Variants in XPNPEP3 observed in about 807,000 individuals in gnomAD.
XPNPEP3 encodes X-prolyl aminopeptidase 3.
A neutral mutation model predicts 60.0 loss-of-function variants in XPNPEP3; 41 were observed. The observed-to-expected ratio is 0.68, with a 90% CI of 0.53 to 0.89. The LOEUF is 0.89. XPNPEP3 is among the 40% of genes least tolerant of loss of function. The pLI is 0.00. For missense variants in XPNPEP3, 598 were observed against 638.9 expected (o/e 0.94, Z 0.69); for synonymous variants, 212 against 223.2 (o/e 0.95, Z 0.45).
intron 8 of XPNPEP3, among the ~76,000 whole-genome samples, chr22:40,922,721 TACACACACAC>T (rs761542482): frequency 1.4e-5 from 2 of 145,280 alleles, no homozygotes; most frequent in Non-Finnish European, 3.0e-5. Context: ...TGTAGATATA[TACACACACAC>T]ACACACACAC....
intron 3 of XPNPEP3, among the ~76,000 whole-genome samples, chr22:40,882,850 A>T (rs2058053804): frequency 6.6e-6 from 1 of 152,194 alleles, no homozygotes; most frequent in Admixed American, 6.5e-5. Context: ...ATTAAAAAAA[A>T]ACTCCATGTT....
intron 4 of XPNPEP3, among the ~76,000 whole-genome samples, chr22:40,902,004 T>A (rs2058135296): frequency 6.6e-6 from 1 of 152,166 alleles, no homozygotes; most frequent in Non-Finnish European, 1.5e-5. Context: ...TTATATGATG[T>A]GAATTTTATC....
intron 4 of XPNPEP3, among the ~76,000 whole-genome samples, chr22:40,893,168 T>TA: frequency 6.8e-6 from 1 of 146,450 alleles, no homozygotes; most frequent in South Asian, 2.1e-4. Flanking sequence ...TATTATATCA[T>TA]AATATAATTA....
Position 40,926,534 on chromosome 22 carries a change from A to T in XPNPEP3, c.*99A>T. The T allele has an allele frequency of 7.2e-7, 1 of 1,391,454 alleles. No homozygotes were observed. Among genetic ancestry groups the T allele is most frequent in the Non-Finnish European group, 1.0e-6 (1 of 981,898 alleles). 86.2% of individuals were successfully genotyped at this position (1,391,454 alleles called of 1,614,324 possible). A position where few individuals can be genotyped will look rare whatever the true frequency, so the allele number is the denominator to read the frequency against. ...AGTGTCTCTGTGTGTGCATTAATAT[A>T]TGCATTCCATTTGGGAGCATAGCAG... On this transcript the variant is annotated 3_prime_UTR_variant, in exon 10 of 10. Coordinates refer to ENST00000357137, the MANE Select transcript of XPNPEP3 (RefSeq NM_022098.4).
intron 2 of XPNPEP3, among the ~76,000 whole-genome samples, chr22:40,880,672 T>C (rs2058043902): frequency 6.6e-6 from 1 of 151,704 alleles, no homozygotes. Flanking sequence ...CTTTTTAAAA[T>C]TAAGAGGGGG....
At chr22:40,879,144 A>C (rs535217879) in intron 2 of XPNPEP3, among the ~76,000 whole-genome samples, 7 of 152,188 alleles carry the variant, frequency 4.6e-5, no homozygotes, top group Non-Finnish European at 2.9e-5. Flanking sequence ...TATTCTGCCT[A>C]AGAAACCTAG....
chr22:40,879,734 C>T (rs143826945), intron 2 of XPNPEP3, among the ~76,000 whole-genome samples: 16 of 152,220 alleles, frequency 1.1e-4, no homozygotes, highest in Non-Finnish European at 1.8e-4. Context: ...ACTAGCTATT[C>T]AAGAGGCTAA....
Position 40,907,614 on chromosome 22 carries a change from A to G in XPNPEP3, c.820A>G (p.Lys274Glu). 1.2e-6 allele frequency: 2 copies of G among 1,614,058 alleles called. No individual in the cohort carries two copies. The highest frequency in any genetic ancestry group is 1.7e-6 in the Non-Finnish European group (2 of 1,179,972). ...QAFIETMFTS[K>E]APVEEAFLYA... ...TTTCATAGAAACCATGTTCACCAGTAAAGCCCCTGTGGAAGAAGCCTTTCT... is the reference window on the plus strand; with the variant it reads ...TTTCATAGAAACCATGTTCACCAGTGAAGCCCCTGTGGAAGAAGCCTTTCT... The change falls in exon 5 of 10, where the codon AAA (lysine) becomes GAA (glutamate). Residue 274 changes from lysine (K) to glutamate (E), a missense_variant. Transcript: ENST00000357137.
intron 6 of XPNPEP3, among the ~76,000 whole-genome samples, chr22:40,911,312 C>A (rs2058176315): frequency 6.6e-6 from 1 of 151,932 alleles, no homozygotes; most frequent in African/African-American, 2.4e-5. Context: ...TGAGTTTGGT[C>A]TATATAATTT....
At chr22:40,904,748 CCTTT>C (rs1306562077) in intron 4 of XPNPEP3, among the ~76,000 whole-genome samples, 1 of 152,040 alleles carries the variant, frequency 6.6e-6, no homozygotes, top group Non-Finnish European at 1.5e-5. Flanking sequence ...GTGCAAGTGT[CCTTT>C]AATTGATTTT....
At chr22:40,874,077 G>A (rs1167369857) in intron 2 of XPNPEP3, among the ~76,000 whole-genome samples, 1 of 152,058 alleles carries the variant, frequency 6.6e-6, no homozygotes, top group African/African-American at 2.4e-5. Context: ...GCTTATTTTG[G>A]TGGTGGTAAG....
At chr22:40,884,253 A>G (rs185350419) in intron 3 of XPNPEP3, among the ~76,000 whole-genome samples, 61 of 151,146 alleles carry the variant, frequency 4.0e-4, no homozygotes, top group Middle Eastern at 3.5e-3. Flanking sequence ...GTCATGTTCT[A>G]CTGTCTAAGT....
chr22:40,894,303 A>T (rs1018240765), intron 4 of XPNPEP3, among the ~76,000 whole-genome samples: 1 of 152,196 alleles, frequency 6.6e-6, no homozygotes, highest in African/African-American at 2.4e-5. Context: ...CTCCAGAAGC[A>T]TCTGTTGAGC....
At chr22:40,923,218 A>C (rs1334263756) in intron 8 of XPNPEP3, among the ~76,000 whole-genome samples, 1 of 152,050 alleles carries the variant, frequency 6.6e-6, no homozygotes, top group East Asian at 1.9e-4. Flanking sequence ...GTGTCTAAAA[A>C]AAAAAAAAAG....
At chr22:40,902,177 A>G (rs1601511657) in intron 4 of XPNPEP3, among the ~76,000 whole-genome samples, 1 of 139,004 alleles carries the variant, frequency 7.2e-6, no homozygotes, top group Non-Finnish European at 1.5e-5. Flanking sequence ...GGTTCAAGCG[A>G]TTCTCCTGCC....
intron 5 of XPNPEP3, among the ~76,000 whole-genome samples, chr22:40,908,246 G>A (rs772550314): frequency 2.0e-5 from 3 of 151,534 alleles, no homozygotes; most frequent in Non-Finnish European, 4.4e-5. Flanking sequence ...GAGGCCAGGC[G>A]TGCTGGCACA....
chr22:40,909,893 A>G (rs879590275), intron 6 of XPNPEP3, among the ~76,000 whole-genome samples: 6 of 152,050 alleles, frequency 3.9e-5, no homozygotes, highest in Non-Finnish European at 8.8e-5. Context: ...TTATAACTCT[A>G]CTTCTCTGAG....
chr22:40,907,634 C>CT lies in XPNPEP3; in HGVS notation c.843dup (p.Leu282SerfsTer4). On this transcript the variant is annotated frameshift_variant, in exon 5 of 10. Transcript: ENST00000357137. LOFTEE classifies it high-confidence loss of function. ...CCAGTAAAGCCCCTGTGGAAGAAGC[C>CT]TTTCTTTATGCTAAGGTGAGATTCA... 6.2e-7 allele frequency: 1 copy of CT among 1,613,936 alleles called. No homozygotes were observed. Among genetic ancestry groups the CT allele is most frequent in the Non-Finnish European group, 8.5e-7 (1 of 1,179,902 alleles).
At chr22:40,907,406 G>T (rs2058160457) in intron 4 of XPNPEP3, among the ~76,000 whole-genome samples, 181 bp from the exon 5 acceptor site, 1 of 151,962 alleles carries the variant, frequency 6.6e-6, no homozygotes, top group African/African-American at 2.4e-5. Context: ...GGGCAACAGA[G>T]CGAGACTCCG....
Sources: gnomAD v4.1 joint callset for allele counts (sites outside exome capture counted in the v4.1 genomes callset) on GRCh38, gnomAD v4.1.1 for gene constraint, MANE v1.5 for transcripts, NCBI Gene and HGNC (gene_info 2026-07-23, HGNC 2026-07-21) for gene names.